The following HYCC2 variants were observed in gnomAD, a reference collection of about 807,000 sequenced individuals.
The protein encoded by HYCC2 is hyccin 2.
the HYCC2 span, chr2:201,063,991 C>G: frequency 6.3e-7 from 1 of 1,597,622 alleles, no homozygotes; most frequent in East Asian, 2.2e-5. Context: ...AACCACGAAA[C>G]TAAGGTGGCT....
chr2:200,995,631 A>C, the HYCC2 span, among the ~76,000 whole-genome samples: 1 of 152,180 alleles, frequency 6.6e-6, no homozygotes, highest in Non-Finnish European at 1.5e-5. Flanking sequence ...CAGCTACAAA[A>C]AACTGAAGCC....
chr2:201,065,855 C>T, the HYCC2 span, among the ~76,000 whole-genome samples: 1 of 152,038 alleles, frequency 6.6e-6, no homozygotes, highest in East Asian at 1.9e-4. Context: ...GGATTAGAGA[C>T]ACAGATTGAG....
the HYCC2 span, among the ~76,000 whole-genome samples, chr2:201,040,750 G>A: frequency 2.0e-5 from 3 of 152,128 alleles, no homozygotes; most frequent in African/African-American, 7.2e-5. Flanking sequence ...CTCCCAAAAC[G>A]CTGTGATTAC....
chr2:201,035,921 T>C, the HYCC2 span, among the ~76,000 whole-genome samples: 1 of 152,136 alleles, frequency 6.6e-6, no homozygotes, highest in Non-Finnish European at 1.5e-5. Context: ...ACAGCGGATA[T>C]TGGTGAACAG....
the HYCC2 span, among the ~76,000 whole-genome samples, chr2:201,044,884 G>A: frequency 6.6e-6 from 1 of 152,144 alleles, no homozygotes; most frequent in Admixed American, 6.6e-5. Flanking sequence ...ACAACAGTGA[G>A]CAAAACTAAC....
the HYCC2 span, among the ~76,000 whole-genome samples, chr2:201,065,045 T>C: frequency 6.6e-6 from 1 of 152,214 alleles, no homozygotes; most frequent in African/African-American, 2.4e-5. Context: ...ATCACATAGG[T>C]AGACTCATGT....
the HYCC2 span, among the ~76,000 whole-genome samples, chr2:200,982,189 C>T: frequency 1.3e-5 from 2 of 149,596 alleles, no homozygotes; most frequent in African/African-American, 2.5e-5. Flanking sequence ...TTTTATAATA[C>T]ACTATCATTC....
chr2:201,032,072 C>T, the HYCC2 span, among the ~76,000 whole-genome samples: 3 of 152,002 alleles, frequency 2.0e-5, no homozygotes, highest in Non-Finnish European at 4.4e-5. Context: ...GCAATTCTCC[C>T]GCCTCAGCCT....
At chr2:201,070,736 G>T in the HYCC2 span, among the ~76,000 whole-genome samples, 1 of 152,058 alleles carries the variant, frequency 6.6e-6, no homozygotes, top group Non-Finnish European at 1.5e-5. Context: ...ATATCCTGGG[G>T]GGAGGAAGGG....
the HYCC2 span, among the ~76,000 whole-genome samples, chr2:201,070,275 G>C: frequency 6.6e-6 from 1 of 152,092 alleles, no homozygotes; most frequent in African/African-American, 2.4e-5. Context: ...CTCTGTCCGA[G>C]AGGTTCAGAG....
At chr2:201,050,785 A>C in the HYCC2 span, among the ~76,000 whole-genome samples, 1 of 151,986 alleles carries the variant, frequency 6.6e-6, no homozygotes, top group Admixed American at 6.6e-5. Flanking sequence ...AAATATAAAA[A>C]TTAGCCAGGT....
chr2:201,004,185 A>G, the HYCC2 span, among the ~76,000 whole-genome samples: 1 of 152,196 alleles, frequency 6.6e-6, no homozygotes, highest in Non-Finnish European at 1.5e-5. Context: ...GAAGGGTAAT[A>G]TAAAACTGGC....
the HYCC2 span, among the ~76,000 whole-genome samples, chr2:201,051,080 A>G: frequency 2.0e-5 from 3 of 152,346 alleles, no homozygotes; most frequent in East Asian, 5.8e-4. Context: ...ATCTAGTACT[A>G]TATATAAAGA....
the HYCC2 span, chr2:201,023,034 G>T: frequency 1.3e-6 from 1 of 753,158 alleles, no homozygotes; most frequent in Non-Finnish European, 2.2e-6. Flanking sequence ...AAACTCAAGT[G>T]AGAAAAGTAA....
chr2:201,019,040 T>C, the HYCC2 span, among the ~76,000 whole-genome samples: 3 of 152,192 alleles, frequency 2.0e-5, no homozygotes, highest in Non-Finnish European at 4.4e-5. Context: ...GTGCCAATAA[T>C]GAACAAGTAA....
chr2:201,035,939 T>G, the HYCC2 span, among the ~76,000 whole-genome samples: 1 of 152,134 alleles, frequency 6.6e-6, no homozygotes, highest in Non-Finnish European at 1.5e-5. Flanking sequence ...CAGCAAATGT[T>G]GCTGCCTGAT....
the HYCC2 span, among the ~76,000 whole-genome samples, chr2:201,036,694 A>G: frequency 2.9e-4 from 44 of 152,214 alleles, no homozygotes; most frequent in Non-Finnish European, 5.7e-4. Context: ...AAAATTCAAC[A>G]ACCCTTCATG....
At chr2:200,978,342 A>G in the HYCC2 span, 2 of 152,180 alleles carry the variant, frequency 1.3e-5, no homozygotes, top group African/African-American at 4.8e-5. Flanking sequence ...ACTGAGGTCA[A>G]TTCACATCAC....
At chr2:201,046,423 TG>T in the HYCC2 span, among the ~76,000 whole-genome samples, 6 of 151,786 alleles carry the variant, frequency 4.0e-5, no homozygotes, top group South Asian at 4.2e-4. Flanking sequence ...GGTTCTGCAG[TG>T]GGGGGGAAGA....
Sources: allele counts gnomAD v4.1 joint callset (sites outside exome capture counted in the v4.1 genomes callset), GRCh38; gene constraint gnomAD v4.1.1; transcripts MANE v1.5; gene names NCBI Gene and HGNC (gene_info 2026-07-23, HGNC 2026-07-21).